LIPI: variants seen among roughly 807,000 people sequenced by gnomAD.
The protein encoded by LIPI is lipase I.
In LIPI, 59 loss-of-function variants were observed where a neutral mutation model predicts 50.6. The observed-to-expected ratio is 1.16, with a 90% CI of 0.94 to 1.45. LIPI has a LOEUF of 1.45. Among genes scored for constraint, LIPI ranks in the 40% most tolerant of loss-of-function variants. The pLI is 0.00. For synonymous variants in LIPI, 203 were observed against 178.2 expected (o/e 1.14, Z -1.11); for missense variants, 586 against 536.3 (o/e 1.09, Z -0.92).
At chr21:14,179,849 A>G (rs989604998) in intron 4 of LIPI, among the ~76,000 whole-genome samples, 2 of 152,200 alleles carry the variant, frequency 1.3e-5, no homozygotes, top group African/African-American at 2.4e-5. Context: ...GCACCTTGAA[A>G]AAGAACAGAA....
At chr21:14,120,306 GAAGGCAGAA>G (rs2016815202) in intron 9 of LIPI, among the ~76,000 whole-genome samples, 1 of 152,222 alleles carries the variant, frequency 6.6e-6, no homozygotes, top group Admixed American at 6.5e-5. Flanking sequence ...CCTCAGCACA[GAAGGCAGAA>G]TAGCTCTCAC....
intron 9 of LIPI, among the ~76,000 whole-genome samples, chr21:14,135,883 G>C (rs928531018): frequency 3.3e-5 from 5 of 151,972 alleles, no homozygotes; most frequent in Admixed American, 2.6e-4. Context: ...CACAACTCGT[G>C]GCTCCAAAAA....
chr21:14,124,563 A>C (rs1390989085), intron 9 of LIPI, among the ~76,000 whole-genome samples: 1 of 152,214 alleles, frequency 6.6e-6, no homozygotes, highest in Non-Finnish European at 1.5e-5. Flanking sequence ...AGGTTGATAC[A>C]GAAACATGGT....
At position 14,166,109 on chromosome 21, in the gene LIPI, T is replaced by C. The variant is rs2018673715; in HGVS notation, c.733+253A>G. ...CAATGACTTACGACTTCTCCTAATG[T>C]TTAAAATGATGGAATAAAATTATTA... is the stretch of plus-strand genomic sequence containing the variant. On this transcript the variant is annotated intron_variant, in intron 5 of 9. Coordinates refer to ENST00000681601, the MANE Select transcript of LIPI (RefSeq NM_001302998.2). Among the ~76,000 whole-genome samples, 3 of 152,156 alleles carry C rather than the reference T, an allele frequency of 2.0e-5. No individual in the cohort carries two copies. The South Asian group carries it at 6.2e-4, about 32-fold the overall frequency.
intron 7 of LIPI, among the ~76,000 whole-genome samples, chr21:14,154,454 C>T (rs1158067786): frequency 2.6e-5 from 4 of 151,488 alleles, no homozygotes; most frequent in East Asian, 3.9e-4. Context: ...GCAAGAAAAA[C>T]GTTAAAACCA....
chr21:14,185,197 A>G (rs1413635641), intron 3 of LIPI, among the ~76,000 whole-genome samples: 1 of 152,180 alleles, frequency 6.6e-6, no homozygotes, highest in Non-Finnish European at 1.5e-5. Flanking sequence ...TTTGTTATAG[A>G]AATATGAAGG....
chr21:14,127,749 G>A (rs16993098), intron 9 of LIPI, among the ~76,000 whole-genome samples: 2,225 of 152,176 alleles, frequency 0.015, 52 homozygotes, highest in African/African-American at 0.05. Context: ...AACAATGGTT[G>A]TGTGCTCACC....
chr21:14,134,531 A>G (rs916711133), intron 9 of LIPI, among the ~76,000 whole-genome samples: 3 of 152,220 alleles, frequency 2.0e-5, no homozygotes, highest in African/African-American at 7.2e-5. Flanking sequence ...ATATTACCTA[A>G]CTTCAAATTA....
At chr21:14,134,167 G>C (rs977086198) in intron 9 of LIPI, among the ~76,000 whole-genome samples, 3 of 152,124 alleles carry the variant, frequency 2.0e-5, no homozygotes, top group Non-Finnish European at 4.4e-5. Context: ...AGAAGTCAAG[G>C]CTGTAGTGAA....
chr21:14,129,117 T>C (rs1273132127), intron 9 of LIPI, among the ~76,000 whole-genome samples: 1 of 152,116 alleles, frequency 6.6e-6, no homozygotes, highest in Non-Finnish European at 1.5e-5. Flanking sequence ...TATATAATTA[T>C]GACGTGGTCA....
rs199777337 is a variant in LIPI at position 14,206,663 on chromosome 21, G to GA, written c.46+4136dup. ...CCTTCATTCTCTTTCCTCATTTCTG[G>GA]AAAAAAAACGGATTTGTTAACAACA... is the stretch of plus-strand genomic sequence containing the variant. On this transcript the variant is annotated intron_variant, in intron 1 of 9. Coordinates refer to ENST00000681601, the MANE Select transcript of LIPI (RefSeq NM_001302998.2). 3.6e-3 allele frequency: 2,047 copies of GA among 569,758 alleles called. 3 individuals carry two copies. Among genetic ancestry groups the GA allele is most frequent in the Non-Finnish European group, 5.3e-3 (1,694 of 321,960 alleles). 35.3% of individuals were successfully genotyped at this position (569,758 alleles called of 1,614,324 possible).
intron 9 of LIPI, among the ~76,000 whole-genome samples, chr21:14,142,161 C>T (rs914259564): frequency 2.6e-5 from 4 of 151,714 alleles, no homozygotes; most frequent in Admixed American, 6.6e-5. Flanking sequence ...AAATAACAGT[C>T]GGGGGTTGGG....
chr21:14,166,935 G>GC (rs2018708033), intron 4 of LIPI, among the ~76,000 whole-genome samples: 1 of 152,234 alleles, frequency 6.6e-6, no homozygotes, highest in Non-Finnish European at 1.5e-5. Context: ...GAAGCACAAG[G>GC]GATCAGGGAG....
At chr21:14,199,333 A>G (rs1600933799) in intron 1 of LIPI, among the ~76,000 whole-genome samples, 1 of 152,178 alleles carries the variant, frequency 6.6e-6, no homozygotes, top group African/African-American at 2.4e-5. Context: ...AAAAAATACA[A>G]TAAATAGACT....
intron 9 of LIPI, among the ~76,000 whole-genome samples, chr21:14,135,630 A>C (rs1228490766): frequency 9.2e-5 from 14 of 152,190 alleles, no homozygotes. Context: ...GCCACAGGGG[A>C]ATCAGCAATC....
intron 9 of LIPI, among the ~76,000 whole-genome samples, chr21:14,110,286 T>G (rs144617068): frequency 6.6e-6 from 1 of 151,906 alleles, no homozygotes; most frequent in East Asian, 1.9e-4. Flanking sequence ...ATCTGTCCAT[T>G]TAATATTCTC....
At chr21:14,142,596 C>T (rs1467928362) in intron 9 of LIPI, among the ~76,000 whole-genome samples, 1 of 151,288 alleles carries the variant, frequency 6.6e-6, no homozygotes, top group Non-Finnish European at 1.5e-5. Flanking sequence ...GATTTTCCCA[C>T]CTCAGCCTCC....
intron 9 of LIPI, among the ~76,000 whole-genome samples, chr21:14,113,313 A>T (rs1455175611): frequency 2.6e-5 from 4 of 152,222 alleles, no homozygotes; most frequent in Non-Finnish European, 1.5e-5. Context: ...AAATGCATTA[A>T]AACAGTTATT....
At chr21:14,128,529 T>G (rs1489881706) in intron 9 of LIPI, among the ~76,000 whole-genome samples, 4 of 152,040 alleles carry the variant, frequency 2.6e-5, no homozygotes, top group Admixed American at 6.6e-5. Flanking sequence ...AAAATAGCAT[T>G]TGTAATGTAG....
Sources: gnomAD v4.1 joint callset for allele counts (sites outside exome capture counted in the v4.1 genomes callset) on GRCh38, gnomAD v4.1.1 for gene constraint, MANE v1.5 for transcripts, NCBI Gene and HGNC (gene_info 2026-07-23, HGNC 2026-07-21) for gene names.